The following ARHGEF9 variants were observed in gnomAD, a reference collection of about 807,000 sequenced individuals.
ARHGEF9 encodes the protein rho guanine nucleotide exchange factor 9.
ARHGEF9 carries 2 observed loss-of-function variants against 41.3 expected under a neutral mutation model. That is an observed-to-expected ratio of 0.05 (90% CI 0.02 to 0.15). The LOEUF (loss-of-function observed/expected upper bound fraction) is 0.15, where lower values mean the gene tolerates loss of function less well. Ranked by LOEUF, ARHGEF9 falls within the 10% of genes least tolerant of loss-of-function variation. The pLI, the probability that ARHGEF9 is intolerant of heterozygous loss-of-function variation, is 1.00. For missense variants in ARHGEF9, 225 were observed against 424.7 expected (o/e 0.53, Z 4.13); for synonymous variants, 160 against 154.4 (o/e 1.04, Z -0.27).
chrX:63,758,487 G>A (rs1371387351), intron 1 of ARHGEF9, among the ~76,000 whole-genome samples: 3 of 112,823 alleles, frequency 2.7e-5, no homozygotes, highest in Non-Finnish European at 5.6e-5. Flanking sequence ...CGCATTTAAG[G>A]CAAATTCTGT....
At chrX:63,643,673 C>T (rs1397222296) in intron 9 of ARHGEF9, among the ~76,000 whole-genome samples, 4 of 108,953 alleles carry the variant, frequency 3.7e-5, no homozygotes, top group Non-Finnish European at 7.6e-5. Context: ...ATCATGTTGT[C>T]CATTGATCTA....
At chrX:63,704,095 C>A (rs1221061640) in intron 3 of ARHGEF9, among the ~76,000 whole-genome samples, 1 of 111,452 alleles carries the variant, frequency 9.0e-6, no homozygotes, top group Non-Finnish European at 1.9e-5. Flanking sequence ...GACTTTTACT[C>A]AGGTAGAAAT....
At chrX:63,706,224 G>A (rs368720718) in intron 3 of ARHGEF9, 34 bp downstream of exon 3, 11 of 1,169,836 alleles carry the variant, frequency 9.4e-6, no homozygotes, top group South Asian at 7.5e-5. Context: ...CTGGTTCTTC[G>A]TGGAAGTGCC....
At chrX:63,755,335 G>C (rs2055895093) in intron 1 of ARHGEF9, 3 of 687,022 alleles carry the variant, frequency 4.4e-6, no homozygotes, top group Non-Finnish European at 3.8e-6. Flanking sequence ...TCCCCAGACC[G>C]GCGAGAGTCA....
intron 2 of ARHGEF9, among the ~76,000 whole-genome samples, chrX:63,713,268 T>C (rs2053064330): frequency 9.0e-6 from 1 of 110,971 alleles, no homozygotes; most frequent in Non-Finnish European, 1.9e-5. Flanking sequence ...CTCAGAGCTA[T>C]AGAATCAGTT....
intron 4 of ARHGEF9, among the ~76,000 whole-genome samples, chrX:63,681,302 C>A (rs1335053085): frequency 8.9e-6 from 1 of 111,929 alleles, no homozygotes; most frequent in Non-Finnish European, 1.9e-5. Context: ...CACACAAATT[C>A]TTCTAAAGCA....
Position 63,635,283 on chromosome X carries a change from A to AG in ARHGEF9, c.*2744dup, listed in dbSNP as rs782617993. The stretch of plus-strand genomic sequence containing the variant: ...ATCCATTAGAAATATACACATAGAG[A>AG]GGGGGGGAAAAAGAGAGAATAATTA... On this transcript the variant is annotated 3_prime_UTR_variant, in exon 10 of 10. Transcript: ENST00000671741. 93 of 509,866 alleles carry AG rather than the reference A, an allele frequency of 1.8e-4. No individual in the cohort carries two copies. In the East Asian group the frequency reaches 2.3e-3, roughly 13 times the overall value. 42.0% of individuals were successfully genotyped at this position (509,866 alleles called of 1,213,427 possible). A position where few individuals can be genotyped will look rare whatever the true frequency, so the allele number is the denominator to read the frequency against.
At chrX:63,729,379 A>G (rs1299682613) in intron 1 of ARHGEF9, among the ~76,000 whole-genome samples, 4 of 111,921 alleles carry the variant, frequency 3.6e-5, no homozygotes, top group African/African-American at 1.3e-4. Context: ...AGCTACATAA[A>G]TAAAACTAAA....
intron 3 of ARHGEF9, among the ~76,000 whole-genome samples, chrX:63,701,933 A>G (rs1330244490): frequency 4.5e-5 from 5 of 112,217 alleles, no homozygotes; most frequent in African/African-American, 1.3e-4. Context: ...AAATATTACT[A>G]TCTTATACAA....
Position 63,635,440 on chromosome X carries a change from G to A in ARHGEF9, c.*2588C>T. 3.8e-6 allele frequency: 2 copies of A among 520,072 alleles called. No individual in the cohort carries two copies. Among genetic ancestry groups the A allele is most frequent in the Non-Finnish European group, 7.0e-6 (2 of 285,120 alleles). The allele number at this position is 520,072 out of a possible 1,213,427, so 42.9% of individuals were successfully genotyped here. A position where few individuals can be genotyped will look rare whatever the true frequency, so the allele number is the denominator to read the frequency against. On this transcript the variant is annotated 3_prime_UTR_variant, in exon 10 of 10. Transcript: ENST00000671741. Reference sequence around the variant, plus strand: ...GCCATGCGGAAATTACAACATTACAGAATTACTGGGGTTACCATTGCTGTC... The same window carrying A: ...GCCATGCGGAAATTACAACATTACAAAATTACTGGGGTTACCATTGCTGTC...
intron 7 of ARHGEF9, among the ~76,000 whole-genome samples, chrX:63,665,107 T>C (rs182930130): frequency 8.9e-6 from 1 of 112,352 alleles, no homozygotes; most frequent in Non-Finnish European, 1.9e-5. Context: ...TCCCCAATTC[T>C]TCCCAGTTAG....
intron 6 of ARHGEF9, among the ~76,000 whole-genome samples, chrX:63,666,487 C>CACAT (rs1490998175): frequency 1.2e-4 from 13 of 104,552 alleles, no homozygotes; most frequent in African/African-American, 4.6e-4. Flanking sequence ...CACACACACA[C>CACAT]ATATATATAT....
intron 3 of ARHGEF9, among the ~76,000 whole-genome samples, chrX:63,704,349 T>C (rs557610536): frequency 8.9e-6 from 1 of 112,348 alleles, no homozygotes; most frequent in African/African-American, 3.2e-5. Flanking sequence ...GCCAAAGATT[T>C]TGCATTTATA....
intron 2 of ARHGEF9, among the ~76,000 whole-genome samples, chrX:63,712,718 T>C: frequency 8.9e-6 from 1 of 112,026 alleles, no homozygotes. Flanking sequence ...ATGGAAATTA[T>C]ATCTCTATTA....
At chrX:63,768,960 T>C (rs1324668588) in intron 1 of ARHGEF9, among the ~76,000 whole-genome samples, 2 of 111,270 alleles carry the variant, frequency 1.8e-5, no homozygotes, top group Non-Finnish European at 3.8e-5. Flanking sequence ...ACAAATACAG[T>C]AAATTGGTAC....
At chrX:63,777,067 C>T (rs1428023881) in intron 1 of ARHGEF9, among the ~76,000 whole-genome samples, 1 of 111,856 alleles carries the variant, frequency 8.9e-6, no homozygotes, top group Non-Finnish European at 1.9e-5. Flanking sequence ...CATGTATTAG[C>T]CCATTCTCGA....
Position 63,744,951 on chromosome X carries a change from G to T in ARHGEF9, c.31-20240C>A, listed in dbSNP as rs1293551487. ...GCTTATCAGAGCCCCTCCTAGAGAT[G>T]CCTAGCTCCTCCTCTGCCTCTATCC... On this transcript the variant is annotated intron_variant, in intron 1 of 9. Transcript: ENST00000671741. Among the ~76,000 whole-genome samples, 3 of 111,693 alleles carry T rather than the reference G, an allele frequency of 2.7e-5. No homozygotes were observed. The Admixed American group carries it at 2.8e-4, about 11-fold the overall frequency.
chrX:63,694,250 G>A (rs1453325185), intron 4 of ARHGEF9, among the ~76,000 whole-genome samples: 6 of 111,287 alleles, frequency 5.4e-5, no homozygotes, highest in Non-Finnish European at 9.4e-5. Context: ...CAACTCTTAC[G>A]TATTAGTAGT....
In ARHGEF9 at chrX:63,678,329, C is replaced by A; in HGVS notation, c.815+11G>T. The A allele has an allele frequency of 1.7e-6, 2 of 1,183,913 alleles. No individual in the cohort carries two copies. The highest frequency in any genetic ancestry group is 2.3e-6 in the Non-Finnish European group (2 of 876,848). On this transcript the variant is annotated intron_variant, in intron 5 of 9. Transcript: ENST00000671741. ...TTCCCTCATTCACTCCTGACTCCCT[C>A]GATCCCTTACCTGTGGTCTTGGGCA...
Sources: allele counts gnomAD v4.1 joint callset (sites outside exome capture counted in the v4.1 genomes callset), GRCh38; gene constraint gnomAD v4.1.1; transcripts MANE v1.5; gene names NCBI Gene and HGNC (gene_info 2026-07-23, HGNC 2026-07-21).